Variants in CEP43 observed in about 807,000 individuals in gnomAD.
CEP43 encodes the protein centrosomal protein 43.
In CEP43, 36 loss-of-function variants were observed where a neutral mutation model predicts 52.6. That is an observed-to-expected ratio of 0.68 (90% CI 0.52 to 0.90). The LOEUF is 0.90. CEP43 is among the 40% of genes least tolerant of loss of function. The probability of loss-of-function intolerance (pLI) is 0.00; values close to 1 mark genes in which losing one functional copy is unlikely to be tolerated. For synonymous variants in CEP43, 192 were observed against 172.4 expected (o/e 1.11, Z -0.89); for missense variants, 506 against 472.8 (o/e 1.07, Z -0.65).
chr6:167,040,682 A>G lies in CEP43; in HGVS notation c.*704A>G, dbSNP rs917631178. 9.8e-7 allele frequency: 1 copy of G among 1,022,792 alleles called. No individual in the cohort carries two copies. Among genetic ancestry groups the G allele is most frequent in the African/African-American group, 1.7e-5 (1 of 59,000 alleles). 63.4% of individuals were successfully genotyped at this position (1,022,792 alleles called of 1,614,324 possible). A position where few individuals can be genotyped will look rare whatever the true frequency, so the allele number is the denominator to read the frequency against. On this transcript the variant is annotated 3_prime_UTR_variant, in exon 13 of 13. Transcript: ENST00000366847. ...GCAATCGTCATTCCTCCTGTTATCC[A>G]TGTAAGCAGCTTTAGTCGTAGGTTC...
rs896349966 is a variant in CEP43, at chr6:167,028,594, G to A, written c.988+1979G>A. On this transcript the variant is annotated intron_variant, in intron 10 of 12. Transcript: ENST00000366847. ...TATGTAGACAGATGTTAGTGGACCA[G>A]CCTAGGAGAATAATGATGTTAGTGG... is the stretch of plus-strand genomic sequence containing the variant. 4 of 626,232 alleles carry A rather than the reference G, an allele frequency of 6.4e-6. No homozygotes were observed. The African/African-American group carries it at 8.0e-5, about 12-fold the overall frequency. 38.8% of individuals were successfully genotyped at this position (626,232 alleles called of 1,614,324 possible).
chr6:167,021,833 A>G (rs1009125492), intron 7 of CEP43, among the ~76,000 whole-genome samples: 1 of 152,188 alleles, frequency 6.6e-6, no homozygotes, highest in African/African-American at 2.4e-5. Flanking sequence ...TTATGTTAGA[A>G]ATATGAGTGG....
intron 2 of CEP43, among the ~76,000 whole-genome samples, chr6:167,002,731 T>G (rs1388762542): frequency 6.6e-6 from 1 of 152,220 alleles, no homozygotes; most frequent in East Asian, 1.9e-4. Context: ...TTCAAATAAA[T>G]GTATAATTAC....
rs182852654 is a variant in CEP43, at chr6:167,039,872, C to T, written c.1126-32C>T. The T allele has an allele frequency of 1.2e-3, 1,886 of 1,610,232 alleles. 5 individuals are homozygous for T. Among genetic ancestry groups the T allele is most frequent in the Non-Finnish European group, 1.4e-3 (1,645 of 1,177,516 alleles). On this transcript the variant is annotated intron_variant, in intron 12 of 12. Coordinates refer to ENST00000366847, the MANE Select transcript of CEP43 (RefSeq NM_007045.4). ...ACTTAAGACTACTCACATTCTGACA[C>T]TTAATTATTTTCTTTCTTTTGAACA...
intron 1 of CEP43, chr6:166,999,745 C>T (rs1237448162): frequency 2.2e-5 from 11 of 507,592 alleles, no homozygotes; most frequent in Non-Finnish European, 3.4e-5. Flanking sequence ...CTGGCCCATC[C>T]CCTGCCTCAT....
Position 166,999,495 on chromosome 6 carries a change from G to A in CEP43, c.83G>A (p.Gly28Glu). Reference sequence around the variant, plus strand: ...CTGGTGCAGACGCTGGAGAACAGCGGGGTCCTGAACCGCATCAAGGTGAGG... The same window carrying A: ...CTGGTGCAGACGCTGGAGAACAGCGAGGTCCTGAACCGCATCAAGGTGAGG... ...DLLVQTLENS[G>E]VLNRIKAELR... Residue 28 changes from glycine (G) to glutamate (E), a missense_variant, in exon 1 of 13, where the codon GGG becomes GAG. Transcript: ENST00000366847. 1 of 1,481,358 alleles carries A rather than the reference G, an allele frequency of 6.8e-7. No individual in the cohort carries two copies. The highest frequency in any genetic ancestry group is 1.3e-5 in the South Asian group (1 of 76,438). 91.8% of individuals were successfully genotyped at this position (1,481,358 alleles called of 1,614,324 possible).
Position 167,022,445 on chromosome 6 carries a change from G to T in CEP43, c.616G>T (p.Val206Phe). ...TGAGGCCAATCAGAGTGATACAAGT[G>T]TCTCCTTGTCAGAACCCAAGAGCAA... ...NDEANQSDTS[V>F]SLSEPKSKSS... The change falls in exon 8 of 13, where the codon GTC becomes TTC. Residue 206 changes from valine to phenylalanine, a missense_variant. Coordinates refer to ENST00000366847, the MANE Select transcript of CEP43 (RefSeq NM_007045.4). The T allele has an allele frequency of 6.2e-7, 1 of 1,614,068 alleles. No homozygotes were observed.
intron 12 of CEP43, 42 bp from the exon 13 acceptor site, chr6:167,039,862 C>T (rs367744752): frequency 8.7e-6 from 14 of 1,606,678 alleles, no homozygotes; most frequent in Admixed American, 1.7e-5. Flanking sequence ...AGACTACTCA[C>T]ATTCTGACAC....
chr6:167,041,384 A>C lies in CEP43; in HGVS notation c.*1406A>C. The C allele has an allele frequency of 9.4e-7, 1 of 1,060,904 alleles. No individual in the cohort carries two copies. Among genetic ancestry groups the C allele is most frequent in the Non-Finnish European group, 1.1e-6 (1 of 876,418 alleles). 65.7% of individuals were successfully genotyped at this position (1,060,904 alleles called of 1,614,324 possible). On this transcript the variant is annotated 3_prime_UTR_variant, in exon 13 of 13. Coordinates refer to ENST00000366847, the MANE Select transcript of CEP43 (RefSeq NM_007045.4). ...AGTAGGACATAAACTGGGCCGGTAC[A>C]GCCTGGGAGCCCTGTGTATTTCTGC... is the stretch of plus-strand genomic sequence containing the variant.
chr6:167,021,677 AT>A (rs1486800924), intron 7 of CEP43, among the ~76,000 whole-genome samples: 1 of 152,120 alleles, frequency 6.6e-6, no homozygotes, highest in African/African-American at 2.4e-5. Context: ...ATGATTCAGA[AT>A]TTTTTTATAA....
intron 7 of CEP43, among the ~76,000 whole-genome samples, chr6:167,015,096 T>A (rs1780064259): frequency 6.6e-6 from 1 of 152,246 alleles, no homozygotes; most frequent in African/African-American, 2.4e-5. Context: ...AGACTTTAGC[T>A]TTCGCGGTAC....
At chr6:167,039,769 T>G in intron 12 of CEP43, 135 bp from the exon 13 acceptor site, 2 of 866,018 alleles carry the variant, frequency 2.3e-6, no homozygotes, top group East Asian at 2.4e-5. Flanking sequence ...ACATTTATAT[T>G]ATTTTTTGAT....
chr6:167,022,677 AATAAG>A, intron 8 of CEP43, 42 bp downstream of exon 8: 9 of 1,198,634 alleles, frequency 7.5e-6, no homozygotes, highest in Non-Finnish European at 1.1e-5. Context: ...GGGGTTTAAA[AATAAG>A]ATAAATGTTT....
chr6:167,003,525 A>T, intron 3 of CEP43, 198 bp from the exon 4 acceptor site: 1 of 561,640 alleles, frequency 1.8e-6, no homozygotes, highest in Non-Finnish European at 3.1e-6. Flanking sequence ...ACAGTTAGTT[A>T]CAGACTGATG....
chr6:167,022,435 T>C lies in CEP43; in HGVS notation c.606T>C (p.Ser202=), dbSNP rs1385258628. The C allele has an allele frequency of 6.2e-7, 1 of 1,613,970 alleles. No homozygotes were observed. The highest frequency in any genetic ancestry group is 1.1e-5 in the South Asian group (1 of 91,076). The change falls in exon 8 of 13, where the codon AGT becomes AGC. Residue 202 remains serine (S), a synonymous_variant. Coordinates refer to ENST00000366847, the MANE Select transcript of CEP43 (RefSeq NM_007045.4). ...AGGCCAATGATGAGGCCAATCAGAG[T>C]GATACAAGTGTCTCCTTGTCAGAAC... is the stretch of plus-strand genomic sequence containing the variant. The part of the protein sequence containing the change: ...DKKANDEANQ[S]DTSVSLSEPK...
intron 2 of CEP43, among the ~76,000 whole-genome samples, chr6:167,002,215 C>T (rs1206455085): frequency 6.6e-6 from 1 of 152,116 alleles, no homozygotes; most frequent in African/African-American, 2.4e-5. Context: ...CCACCCCAAA[C>T]CTTTTTAAGA....
At chr6:167,018,222 C>T (rs1780145069) in intron 7 of CEP43, among the ~76,000 whole-genome samples, 1 of 152,198 alleles carries the variant, frequency 6.6e-6, no homozygotes, top group Admixed American at 6.5e-5. Flanking sequence ...TGAATGGACT[C>T]ATCTTAACTA....
intron 11 of CEP43, among the ~76,000 whole-genome samples, chr6:167,033,047 C>T (rs1405025448): frequency 6.8e-6 from 1 of 147,786 alleles, no homozygotes; most frequent in Non-Finnish European, 1.5e-5. Flanking sequence ...TGATTCAGAT[C>T]ACATTTCCTA....
intron 5 of CEP43, among the ~76,000 whole-genome samples, chr6:167,006,575 ACTAT>A (rs1779858998): frequency 8.0e-6 from 1 of 125,618 alleles, no homozygotes; most frequent in African/African-American, 2.8e-5. Flanking sequence ...ATAGTAGAAA[ACTAT>A]TTATATAGCA....
Sources: allele counts gnomAD v4.1 joint callset (sites outside exome capture counted in the v4.1 genomes callset), GRCh38; gene constraint gnomAD v4.1.1; transcripts MANE v1.5; gene names NCBI Gene and HGNC (gene_info 2026-07-23, HGNC 2026-07-21).